CCDC126: variants seen among roughly 807,000 people sequenced by gnomAD.
The protein encoded by CCDC126 is coiled-coil domain containing 126.
In CCDC126, 5 loss-of-function variants were observed where a neutral mutation model predicts 11.7. The ratio of observed to expected loss-of-function variants is 0.43; its 90% CI spans 0.22 to 0.90. The LOEUF (loss-of-function observed/expected upper bound fraction) is 0.90. Ranked by LOEUF, CCDC126 falls within the 40% of genes least tolerant of loss-of-function variation. The probability of loss-of-function intolerance (pLI) is 0.27; values close to 1 mark genes in which losing one functional copy is unlikely to be tolerated. For missense variants in CCDC126, 150 were observed against 163.1 expected, an observed-to-expected ratio of 0.92 and a Z score of 0.44; for synonymous variants, 60 against 61.9, an observed-to-expected ratio of 0.97 and a Z score of 0.14.
intron 3 of CCDC126, among the ~76,000 whole-genome samples, chr7:23,638,501 C>T (rs960622385): frequency 8.8e-6 from 1 of 113,024 alleles, no homozygotes; most frequent in Non-Finnish European, 1.8e-5. Context: ...CTTTGTTAAA[C>T]AGATGCTTGA....
chr7:23,631,628 G>A (rs550042435), intron 3 of CCDC126, among the ~76,000 whole-genome samples: 4 of 152,186 alleles, frequency 2.6e-5, no homozygotes, highest in South Asian at 4.2e-4. Flanking sequence ...GGGCGTGGTG[G>A]TGTGCACCTG....
At chr7:23,620,052 G>T in intron 3 of CCDC126, among the ~76,000 whole-genome samples, 1 of 152,144 alleles carries the variant, frequency 6.6e-6, no homozygotes, top group Non-Finnish European at 1.5e-5. Flanking sequence ...ACGTGTGCGT[G>T]TGTCTTTATA....
At chr7:23,640,890 C>G (rs933570002) in intron 3 of CCDC126, among the ~76,000 whole-genome samples, 2 of 151,484 alleles carry the variant, frequency 1.3e-5, no homozygotes, top group Non-Finnish European at 2.9e-5. Flanking sequence ...ATCTGTTTAT[C>G]TGTTGATGGA....
chr7:23,622,336 C>A, intron 3 of CCDC126: 1 of 263,088 alleles, frequency 3.8e-6, no homozygotes, highest in Non-Finnish European at 7.4e-6. Flanking sequence ...GGAATTTATC[C>A]ATTTCTTCTA....
At chr7:23,617,112 G>C (rs1465298019) in intron 3 of CCDC126, among the ~76,000 whole-genome samples, 9 of 151,934 alleles carry the variant, frequency 5.9e-5, no homozygotes, top group Non-Finnish European at 1.0e-4. Flanking sequence ...ACTTTGGGAG[G>C]CTGGGCAGGT....
chr7:23,601,391 C>T (rs1225835129), intron 2 of CCDC126, among the ~76,000 whole-genome samples: 2 of 152,120 alleles, frequency 1.3e-5, no homozygotes, highest in East Asian at 3.8e-4. Flanking sequence ...TCTCAAACAG[C>T]AACAACTGTG....
At chr7:23,636,772 G>C (rs907756385) in intron 3 of CCDC126, among the ~76,000 whole-genome samples, 2 of 136,176 alleles carry the variant, frequency 1.5e-5, no homozygotes, top group African/African-American at 2.8e-5. Flanking sequence ...AGGGAGGTGG[G>C]GGGGGGGTCA....
chr7:23,614,527 A>G (rs1330704493), intron 3 of CCDC126, among the ~76,000 whole-genome samples: 15 of 152,202 alleles, frequency 9.9e-5, no homozygotes, highest in Admixed American at 9.8e-4. Context: ...CCTTTCATGA[A>G]TCATGAATAT....
chr7:23,608,255 T>C (rs1246823795), intron 2 of CCDC126, among the ~76,000 whole-genome samples: 1 of 152,146 alleles, frequency 6.6e-6, no homozygotes, highest in Non-Finnish European at 1.5e-5. Context: ...TGGTCTCTTA[T>C]CAGGAAGAAA....
At chr7:23,627,071 A>G (rs1363964635) in intron 3 of CCDC126, among the ~76,000 whole-genome samples, 2 of 152,224 alleles carry the variant, frequency 1.3e-5, no homozygotes, top group African/African-American at 4.8e-5. Flanking sequence ...CTGCTCTGGA[A>G]CACTTTGCAG....
At chr7:23,630,928 G>A (rs1783099594) in intron 3 of CCDC126, among the ~76,000 whole-genome samples, 1 of 151,748 alleles carries the variant, frequency 6.6e-6, no homozygotes, top group Non-Finnish European at 1.5e-5. Flanking sequence ...TAAATAATGA[G>A]TCAAAGAGGA....
At chr7:23,612,474 C>CAAAAAAAAAAAAAAAAAAAA (rs70954395) in intron 3 of CCDC126, among the ~76,000 whole-genome samples, 12 of 56,226 alleles carry the variant, frequency 2.1e-4, no homozygotes, top group Non-Finnish European at 3.1e-4. Context: ...GACTCCATCT[C>CAAAAAAAAAAAAAAAAAAAA]AAAAAAAAAA....
At chr7:23,613,172 G>T (rs149789427) in intron 3 of CCDC126, among the ~76,000 whole-genome samples, 2 of 152,212 alleles carry the variant, frequency 1.3e-5, no homozygotes, top group South Asian at 4.2e-4. Flanking sequence ...TTAGTGGGGC[G>T]TGGTGGCGCG....
chr7:23,622,657 CA>C, intron 3 of CCDC126: 1 of 534,576 alleles, frequency 1.9e-6, no homozygotes. Context: ...TGTGTACACA[CA>C]AAGGAACCTA....
At chr7:23,606,570 AC>A (rs1297250510) in intron 2 of CCDC126, among the ~76,000 whole-genome samples, 1 of 151,970 alleles carries the variant, frequency 6.6e-6, no homozygotes, top group Non-Finnish European at 1.5e-5. Flanking sequence ...GTTGGATCAC[AC>A]TCTGTTGCCC....
intron 2 of CCDC126, among the ~76,000 whole-genome samples, chr7:23,608,969 C>G (rs761447427): frequency 1.3e-5 from 2 of 151,970 alleles, no homozygotes; most frequent in Non-Finnish European, 2.9e-5. Context: ...TCAAAGCTGT[C>G]CTCTTGCACC....
At chr7:23,630,751 C>T (rs930016951) in intron 3 of CCDC126, among the ~76,000 whole-genome samples, 3 of 133,424 alleles carry the variant, frequency 2.2e-5, no homozygotes, top group African/African-American at 8.1e-5. Context: ...AAAAAAAGTC[C>T]ATAGAATATT....
intron 3 of CCDC126, among the ~76,000 whole-genome samples, chr7:23,616,851 A>T (rs1782802825): frequency 6.6e-6 from 1 of 152,074 alleles, no homozygotes; most frequent in Non-Finnish European, 1.5e-5. Context: ...TTAATTTATT[A>T]ATTTGATTTC....
chr7:23,608,768 T>G (rs1018706519), intron 2 of CCDC126, among the ~76,000 whole-genome samples: 4 of 152,192 alleles, frequency 2.6e-5, no homozygotes, highest in African/African-American at 7.2e-5. Flanking sequence ...AAGATGGGAA[T>G]TGCAATAGAG....
Sources: gnomAD v4.1 joint callset for allele counts (sites outside exome capture counted in the v4.1 genomes callset) on GRCh38, gnomAD v4.1.1 for gene constraint, MANE v1.5 for transcripts, NCBI Gene and HGNC (gene_info 2026-07-23, HGNC 2026-07-21) for gene names.